The following CSMD1 variants were observed in gnomAD, a reference collection of about 807,000 sequenced individuals.
CSMD1 encodes the protein CUB and sushi domain-containing protein 1.
A neutral mutation model predicts 417.5 loss-of-function variants in CSMD1; 213 were observed. That is an observed-to-expected ratio of 0.51 (90% CI 0.46 to 0.57). CSMD1 has a LOEUF of 0.57. Among genes scored for constraint, CSMD1 ranks in the 20% least tolerant of loss-of-function variants. CSMD1 has a pLI of 0.00. For missense variants in CSMD1, 6,923 were observed against 4,529.7 expected, an observed-to-expected ratio of 1.53 and a Z score of -15.17; for synonymous variants, 2,862 against 1,736.8, an observed-to-expected ratio of 1.65 and a Z score of -16.11.
At chr8:3,065,523 G>C (rs1812883804) in intron 49 of CSMD1, among the ~76,000 whole-genome samples, 1 of 152,088 alleles carries the variant, frequency 6.6e-6, no homozygotes. Context: ...ATGATAGGAA[G>C]ATGGATACAC....
chr8:3,767,519 A>T (rs2720778), intron 5 of CSMD1, among the ~76,000 whole-genome samples: 151,517 of 152,336 alleles, frequency 0.99, 75,356 homozygotes, highest in East Asian at 1. Flanking sequence ...GGCTTAGATT[A>T]TGCTCTGATC....
chr8:4,303,225 C>T (rs1798073227), intron 3 of CSMD1, among the ~76,000 whole-genome samples: 1 of 152,186 alleles, frequency 6.6e-6, no homozygotes, highest in South Asian at 2.1e-4. Context: ...GAGGCATCAT[C>T]TATTTCAGAT....
At chr8:4,804,351 T>C (rs892175683) in intron 1 of CSMD1, among the ~76,000 whole-genome samples, 6 of 152,284 alleles carry the variant, frequency 3.9e-5, no homozygotes, top group African/African-American at 9.6e-5. Context: ...ATTTTAAATA[T>C]AATAGAGAAT....
intron 10 of CSMD1, among the ~76,000 whole-genome samples, chr8:3,518,977 T>A (rs1797393242): frequency 6.6e-6 from 1 of 152,200 alleles, no homozygotes; most frequent in Non-Finnish European, 1.5e-5. Flanking sequence ...GTAGCACTTT[T>A]AAACTGAAAT....
At chr8:4,171,302 G>A (rs778512964) in intron 3 of CSMD1, among the ~76,000 whole-genome samples, 6 of 151,830 alleles carry the variant, frequency 4.0e-5, no homozygotes, top group African/African-American at 1.2e-4. Context: ...GCAACCCTAC[G>A]CCAGGCTGTT....
intron 5 of CSMD1, among the ~76,000 whole-genome samples, chr8:3,875,166 T>C (rs890589747): frequency 6.6e-6 from 1 of 152,076 alleles, no homozygotes; most frequent in Non-Finnish European, 1.5e-5. Flanking sequence ...CACTGGGGAA[T>C]GGACTGTAGC....
At chr8:4,817,939 T>G (rs1799299546) in intron 1 of CSMD1, among the ~76,000 whole-genome samples, 1 of 152,200 alleles carries the variant, frequency 6.6e-6, no homozygotes, top group African/African-American at 2.4e-5. Flanking sequence ...TATATTTTAA[T>G]CTGTCTACCC....
chr8:3,773,975 T>G (rs1798760818), intron 5 of CSMD1, among the ~76,000 whole-genome samples: 1 of 152,184 alleles, frequency 6.6e-6, no homozygotes, highest in African/African-American at 2.4e-5. Flanking sequence ...GGATTAACCC[T>G]GCATCTATTT....
intron 5 of CSMD1, among the ~76,000 whole-genome samples, chr8:3,812,141 T>G (rs942291567): frequency 6.6e-6 from 1 of 152,214 alleles, no homozygotes; most frequent in African/African-American, 2.4e-5. Flanking sequence ...TGTATTCATA[T>G]TCACATGACA....
chr8:4,702,219 C>A (rs1356890007), intron 1 of CSMD1, among the ~76,000 whole-genome samples: 1 of 152,090 alleles, frequency 6.6e-6, no homozygotes, highest in Non-Finnish European at 1.5e-5. Context: ...ACATGTTTAC[C>A]TTTGGAACAA....
intron 3 of CSMD1, among the ~76,000 whole-genome samples, chr8:4,222,944 T>A (rs1030454633): frequency 6.6e-6 from 1 of 151,990 alleles, no homozygotes; most frequent in Non-Finnish European, 1.5e-5. Context: ...TAAAAAGACA[T>A]TTCTTAAAAA....
intron 25 of CSMD1, among the ~76,000 whole-genome samples, chr8:3,307,147 C>T (rs1177387841): frequency 6.6e-6 from 1 of 152,158 alleles, no homozygotes. Context: ...TATCTTGAGT[C>T]TTGCCTAGCC....
At chr8:4,232,718 T>A (rs1801817252) in intron 3 of CSMD1, among the ~76,000 whole-genome samples, 1 of 152,216 alleles carries the variant, frequency 6.6e-6, no homozygotes, top group Non-Finnish European at 1.5e-5. Context: ...ATGTCAAGCA[T>A]GATTTAACAG....
At chr8:4,282,272 C>G (rs1187477517) in intron 3 of CSMD1, among the ~76,000 whole-genome samples, 1 of 152,142 alleles carries the variant, frequency 6.6e-6, no homozygotes, top group Non-Finnish European at 1.5e-5. Flanking sequence ...GTGAACCTGT[C>G]ATTTTACAGA....
At chr8:4,581,877 C>A (rs1173592827) in intron 2 of CSMD1, among the ~76,000 whole-genome samples, 1 of 152,184 alleles carries the variant, frequency 6.6e-6, no homozygotes, top group Non-Finnish European at 1.5e-5. Context: ...TCCTCCAGAT[C>A]TGCTGTGAAT....
At chr8:4,976,789 C>T (rs1049616196) in intron 1 of CSMD1, among the ~76,000 whole-genome samples, 1 of 152,130 alleles carries the variant, frequency 6.6e-6, no homozygotes, top group Non-Finnish European at 1.5e-5. Context: ...GTATATGACA[C>T]ATCACTTCCT....
At position 4,927,087 on chromosome 8, in the gene CSMD1, C is replaced by CATTATTATT. The variant is rs142803606; in HGVS notation, c.85+67236_85+67244dup. On this transcript the variant is annotated intron_variant, in intron 1 of 69. Coordinates refer to ENST00000635120, the MANE Select transcript of CSMD1 (RefSeq NM_033225.6). ...AGGGCTGTGTTATTTGCTTTCAATG[C>CATTATTATT]ATTATTATTATTATTATTATTATTA... Among the ~76,000 whole-genome samples, 1,272 of 143,430 alleles carry CATTATTATT rather than the reference C, an allele frequency of 8.9e-3. 6 individuals are homozygous for CATTATTATT. The highest frequency in any genetic ancestry group is 0.028 in the East Asian group (136 of 4,884). The allele number at this position is 143,430 out of a possible 152,430, so 94.1% of individuals were successfully genotyped here. A position where few individuals can be genotyped will look rare whatever the true frequency, so the allele number is the denominator to read the frequency against.
chr8:4,739,612 A>C (rs1810468386), intron 1 of CSMD1, among the ~76,000 whole-genome samples: 1 of 152,158 alleles, frequency 6.6e-6, no homozygotes. Context: ...AGAAACCCAC[A>C]TGCTCAGTGG....
At chr8:4,486,721 G>C (rs546262069) in intron 2 of CSMD1, among the ~76,000 whole-genome samples, 3 of 150,800 alleles carry the variant, frequency 2.0e-5, no homozygotes, top group East Asian at 1.9e-4. Flanking sequence ...AATGTACAAA[G>C]AGGGTTCCCC....
Sources: allele counts gnomAD v4.1 joint callset (sites outside exome capture counted in the v4.1 genomes callset), GRCh38; gene constraint gnomAD v4.1.1; transcripts MANE v1.5; gene names NCBI Gene and HGNC (gene_info 2026-07-23, HGNC 2026-07-21).